PRKG2: variants seen among roughly 807,000 people sequenced by gnomAD.
PRKG2 encodes the protein protein kinase cGMP-dependent 2, also known as cGMP-dependent protein kinase 2.
A neutral mutation model predicts 97.2 loss-of-function variants in PRKG2; 33 were observed. That is an observed-to-expected ratio of 0.34 (90% CI 0.26 to 0.45). The LOEUF (loss-of-function observed/expected upper bound fraction) is 0.45. Among genes scored for constraint, PRKG2 ranks in the 20% least tolerant of loss-of-function variants. PRKG2 has a pLI of 1.00. For missense variants in PRKG2, 638 were observed against 900.0 expected (o/e 0.71, Z 3.73); for synonymous variants, 330 against 321.8 (o/e 1.03, Z -0.27).
At position 81,138,757 on chromosome 4, in the gene PRKG2, A is replaced by G. The variant is rs183067884; in HGVS notation, c.1545-1275T>C. On this transcript the variant is annotated intron_variant, in intron 12 of 18. Transcript: ENST00000264399. ...GGCACTTTGGAAAGAGTTGAAAATA[A>G]GACAATGAATGCAATCTAATCCATG... Among the ~76,000 whole-genome samples the G allele has an allele frequency of 4.0e-5, 6 of 151,830 alleles. No homozygotes were observed. In the East Asian group the frequency reaches 1.2e-3, roughly 29 times the overall value.
At chr4:81,208,491 C>A (rs1194478544) in intron 1 of PRKG2, among the ~76,000 whole-genome samples, 1 of 152,094 alleles carries the variant, frequency 6.6e-6, no homozygotes, top group Non-Finnish European at 1.5e-5. Context: ...GCCAGTGGTG[C>A]AATCACTATA....
intron 1 of PRKG2, among the ~76,000 whole-genome samples, chr4:81,206,000 A>G (rs1438778970): frequency 6.6e-6 from 1 of 152,198 alleles, no homozygotes; most frequent in Non-Finnish European, 1.5e-5. Context: ...AATAACTATC[A>G]CCACAAAGTT....
intron 8 of PRKG2, among the ~76,000 whole-genome samples, chr4:81,150,310 A>G (rs895220241): frequency 5.3e-5 from 8 of 152,214 alleles, no homozygotes; most frequent in African/African-American, 1.7e-4. Context: ...ATGCAAATAC[A>G]CTTATGTTTC....
In PRKG2 at chr4:81,088,957, AACTATCTTT is replaced by A. The variant is rs1578314262; in HGVS notation, c.*742_*750del. 1.3e-5 allele frequency: 2 copies of A among 152,304 alleles called. No homozygotes were observed. The highest frequency in any genetic ancestry group is 3.9e-4 in the East Asian group (2 of 5,186). 9.4% of individuals were successfully genotyped at this position (152,304 alleles called of 1,614,324 possible). ...TTAGCATCATTTAACCACACATTGT[AACTATCTTT>A]AACAAGGACTTTCGAAAAGTCTCTA... On this transcript the variant is annotated 3_prime_UTR_variant, in exon 19 of 19. Transcript: ENST00000264399.
intron 18 of PRKG2, among the ~76,000 whole-genome samples, chr4:81,090,751 G>A (rs1216017151): frequency 6.6e-6 from 1 of 152,148 alleles, no homozygotes; most frequent in Non-Finnish European, 1.5e-5. Context: ...TGACATCGCT[G>A]TAATAAAACC....
intron 16 of PRKG2, 39 bp downstream of exon 16, chr4:81,105,774 C>T: frequency 6.2e-7 from 1 of 1,605,394 alleles, no homozygotes; most frequent in East Asian, 2.2e-5. Flanking sequence ...AGCCTTTAGA[C>T]TTTCTTCAAG....
intron 17 of PRKG2, among the ~76,000 whole-genome samples, chr4:81,093,360 A>AACACACACACACAC (rs60004845): frequency 1.4e-4 from 16 of 116,280 alleles, no homozygotes; most frequent in African/African-American, 4.3e-4. Flanking sequence ...CTCCCCCACC[A>AACACACACACACAC]ACACACACAC....
rs1451828829 is a variant in PRKG2 at position 81,148,817 on chromosome 4, G to A, written c.1154+67C>T. 3.0e-6 allele frequency: 4 copies of A among 1,345,582 alleles called. No individual in the cohort carries two copies. In the East Asian group the frequency reaches 9.2e-5, roughly 31 times the overall value. 83.4% of individuals were successfully genotyped at this position (1,345,582 alleles called of 1,614,324 possible). A position where few individuals can be genotyped will look rare whatever the true frequency, so the allele number is the denominator to read the frequency against. The stretch of plus-strand genomic sequence containing the variant: ...ATGAATGAGAAAACAGATCGGCCTT[G>A]AAGTAACAGAAGGCCAAGTCTTCAA... On this transcript the variant is annotated intron_variant, in intron 9 of 18. Coordinates refer to ENST00000264399, the MANE Select transcript of PRKG2 (RefSeq NM_006259.3).
At chr4:81,096,249 A>C (rs1275369683) in intron 17 of PRKG2, among the ~76,000 whole-genome samples, 1 of 152,186 alleles carries the variant, frequency 6.6e-6, no homozygotes, top group African/African-American at 2.4e-5. Context: ...CTTCTTTTAA[A>C]ACTGAGGTTA....
In PRKG2 at chr4:81,155,172, C is replaced by A. The variant is rs1242052647; in HGVS notation, c.913-1451G>T. ...CAGCCTGGGCGACAGAGCGAGACTC[C>A]GTCTCAAAAAAAAAAAAAAGAAGAA... is the stretch of plus-strand genomic sequence containing the variant. On this transcript the variant is annotated intron_variant, in intron 6 of 18. Coordinates refer to ENST00000264399, the MANE Select transcript of PRKG2 (RefSeq NM_006259.3). Among the ~76,000 whole-genome samples, 473 of 70,188 alleles carry A rather than the reference C, an allele frequency of 6.7e-3. 1 individual carries two copies. In the African/African-American group the frequency reaches 0.14, roughly 21 times the overall value. The allele number at this position is 70,188 out of a possible 152,430, so 46.0% of individuals were successfully genotyped here.
intron 17 of PRKG2, among the ~76,000 whole-genome samples, chr4:81,093,086 G>A (rs1049486750): frequency 6.6e-6 from 1 of 151,858 alleles, no homozygotes; most frequent in African/African-American, 2.4e-5. Flanking sequence ...AACCTATAAG[G>A]CTTTATAGAA....
At chr4:81,205,209 A>C in intron 1 of PRKG2, 149 bp from the exon 2 acceptor site, 1 of 584,548 alleles carries the variant, frequency 1.7e-6, no homozygotes, top group Non-Finnish European at 2.9e-6. Context: ...GTTTCCAGAA[A>C]AAAAAAAAAA....
At chr4:81,187,860 CAAAAAT>C (rs1752024475) in intron 2 of PRKG2, among the ~76,000 whole-genome samples, 1 of 151,932 alleles carries the variant, frequency 6.6e-6, no homozygotes, top group South Asian at 2.1e-4. Flanking sequence ...ACACCTTATA[CAAAAAT>C]CAATTCAAGA....
intron 9 of PRKG2, among the ~76,000 whole-genome samples, chr4:81,147,082 A>G (rs1405223992): frequency 6.6e-6 from 1 of 152,194 alleles, no homozygotes; most frequent in Non-Finnish European, 1.5e-5. Flanking sequence ...TATATTGCAG[A>G]CTCTAAATTA....
intron 17 of PRKG2, among the ~76,000 whole-genome samples, chr4:81,100,651 C>T (rs1162309726): frequency 1.3e-5 from 2 of 152,130 alleles, no homozygotes; most frequent in South Asian, 2.1e-4. Context: ...AGGACATAGG[C>T]GTGGGCAAGG....
intron 6 of PRKG2, among the ~76,000 whole-genome samples, chr4:81,153,926 G>A (rs1237691921): frequency 1.3e-5 from 2 of 152,302 alleles, no homozygotes; most frequent in African/African-American, 2.4e-5. Context: ...TGCGCGAGCC[G>A]AAGCAGGGCG....
intron 12 of PRKG2, 24 bp from the exon 13 acceptor site, chr4:81,137,506 GTTA>G: frequency 6.4e-7 from 1 of 1,556,798 alleles, no homozygotes; most frequent in Non-Finnish European, 8.8e-7. Context: ...TAAAAACATG[GTTA>G]TTATTGGAAA....
At chr4:81,175,612 A>G (rs1750854946) in intron 2 of PRKG2, 2 of 152,104 alleles carry the variant, frequency 1.3e-5, no homozygotes, top group Non-Finnish European at 2.9e-5. Context: ...TCAGACATAG[A>G]TGGTGACAGT....
chr4:81,205,620 A>G (rs1486046140), intron 1 of PRKG2, among the ~76,000 whole-genome samples: 1 of 152,196 alleles, frequency 6.6e-6, no homozygotes, highest in Non-Finnish European at 1.5e-5. Context: ...TAAGTTTTGC[A>G]TTTCTGATAA....
Sources: gnomAD v4.1 joint callset for allele counts (sites outside exome capture counted in the v4.1 genomes callset) on GRCh38, gnomAD v4.1.1 for gene constraint, MANE v1.5 for transcripts, NCBI Gene and HGNC (gene_info 2026-07-23, HGNC 2026-07-21) for gene names.